Variants in HUS1 observed in about 807,000 individuals in gnomAD.
HUS1 encodes the protein HUS1 checkpoint clamp component, also known as checkpoint protein HUS1.
In HUS1, 31 loss-of-function variants were observed where a neutral mutation model predicts 32.6. That is an observed-to-expected ratio of 0.95 (90% CI 0.72 to 1.28). The LOEUF is 1.28. Ranked by LOEUF, HUS1 falls within the 50% of genes most tolerant of loss-of-function variation. HUS1 has a pLI of 0.00. For synonymous variants in HUS1, 123 were observed against 116.6 expected (o/e 1.06, Z -0.36); for missense variants, 340 against 337.7 (o/e 1.01, Z -0.05).
At position 47,976,818 on chromosome 7, in the gene HUS1, C is replaced by G; in HGVS notation, c.377G>C (p.Ser126Thr). Residue 126 changes from serine (S) to threonine (T), a missense_variant, in exon 4 of 8, where the codon AGC becomes ACC. Transcript: ENST00000258774. ...SVELLSMSSS[S>T]RIVTHDIPIK... ...GGGGATGTCATGGGTCACAATGCGG[C>G]TACTGCTTGACATAGATAACTGCCA... 1 of 1,611,276 alleles carries G rather than the reference C, an allele frequency of 6.2e-7. No homozygotes were observed. Among genetic ancestry groups the G allele is most frequent in the East Asian group, 2.2e-5 (1 of 44,832 alleles).
At chr7:47,978,091 G>A (rs1317997115) in intron 3 of HUS1, among the ~76,000 whole-genome samples, 1 of 142,950 alleles carries the variant, frequency 7.0e-6, no homozygotes, top group African/African-American at 2.6e-5. Flanking sequence ...CAGGGTGGGA[G>A]TGGGGAGAAA....
At position 47,976,732 on chromosome 7, in the gene HUS1, C is replaced by T. The variant is rs1247881572; in HGVS notation, c.463G>A (p.Asp155Asn). ...GCAGGACTGCAGGCATCACCTACATCAGGATCTGGGACCACCGGTTCTTGT... is the reference window on the plus strand; with the variant it reads ...GCAGGACTGCAGGCATCACCTACATTAGGATCTGGGACCACCGGTTCTTGT... The part of the protein sequence containing the change: ...DLQEPVVPDP[D>N]VSIYLPVLKT... Residue 155 changes from aspartate to asparagine, a missense_variant and splice_region_variant, in exon 4 of 8, where the codon GAT becomes AAT. By Grantham distance (23) the Asp-to-Asn change is conservative. Coordinates refer to ENST00000258774, the MANE Select transcript of HUS1 (RefSeq NM_004507.4). 1 of 1,582,292 alleles carries T rather than the reference C, an allele frequency of 6.3e-7. No homozygotes were observed.
chr7:47,972,276 T>C (rs915926641), intron 5 of HUS1, among the ~76,000 whole-genome samples: 2 of 152,152 alleles, frequency 1.3e-5, no homozygotes, highest in African/African-American at 4.8e-5. Context: ...AATAAATAAA[T>C]ACTTATTTAA....
In HUS1 at chr7:47,979,415, G is replaced by A. The variant is rs550254944; in HGVS notation, c.52+53C>T. On this transcript the variant is annotated intron_variant, in intron 1 of 7. Coordinates refer to ENST00000258774, the MANE Select transcript of HUS1 (RefSeq NM_004507.4). ...TCCTCCTGCGCGGTCCCCACCGCGC[G>A]CTCACTGCTTCCTTCCGTTCCTCCC... 7 of 1,600,798 alleles carry A rather than the reference G, an allele frequency of 4.4e-6. No individual in the cohort carries two copies. In the African/African-American group the frequency reaches 5.4e-5, roughly 12 times the overall value.
intron 4 of HUS1, 84 bp from the exon 5 acceptor site, chr7:47,975,771 G>A: frequency 1.4e-6 from 1 of 704,352 alleles, no homozygotes; most frequent in Non-Finnish European, 2.4e-6. Context: ...ACTAACTCTA[G>A]AACACATGCA....
chr7:47,965,334 T>G lies in HUS1; in HGVS notation c.*22A>C. 3 of 1,565,238 alleles carry G rather than the reference T, an allele frequency of 1.9e-6. No individual in the cohort carries two copies. Among genetic ancestry groups the G allele is most frequent in the Non-Finnish European group, 2.6e-6 (3 of 1,135,054 alleles). ...CTCCCATCCTGACAAAGTCTCTGCA[T>G]GCCAACTCCAGCGACAGGGTGCTAG... On this transcript the variant is annotated 3_prime_UTR_variant, in exon 8 of 8. Transcript: ENST00000258774.
At chr7:47,968,992 T>C (rs1788538627) in intron 6 of HUS1, 1 of 485,140 alleles carries the variant, frequency 2.1e-6, no homozygotes, top group Non-Finnish European at 3.6e-6. Context: ...ATGGAGACCC[T>C]GCACAGATCT....
intron 5 of HUS1, 36 bp from the exon 6 acceptor site, chr7:47,969,354 G>A (rs749791039): frequency 4.9e-6 from 6 of 1,230,910 alleles, no homozygotes; most frequent in Admixed American, 2.0e-5. Context: ...CTTAGAAAAG[G>A]AAGCCAAAAG....
At chr7:47,972,803 CTAAACA>C (rs1283389043) in intron 5 of HUS1, among the ~76,000 whole-genome samples, 4 of 151,910 alleles carry the variant, frequency 2.6e-5, no homozygotes, top group Admixed American at 6.6e-5. Context: ...ATCATGACTC[CTAAACA>C]TAGACTCTGG....
intron 7 of HUS1, among the ~76,000 whole-genome samples, chr7:47,966,110 G>A (rs1212883475): frequency 7.8e-6 from 1 of 127,466 alleles, no homozygotes; most frequent in African/African-American, 3.2e-5. Flanking sequence ...GGGAGGTTGG[G>A]GAAAGGACCA....
At position 47,976,716 on chromosome 7, in the gene HUS1, C is replaced by G. The variant is rs1386522745; in HGVS notation, c.465+14G>C. 7.2e-7 allele frequency: 1 copy of G among 1,396,256 alleles called. No individual in the cohort carries two copies. Among genetic ancestry groups the G allele is most frequent in the African/African-American group, 1.4e-5 (1 of 70,722 alleles). 86.5% of individuals were successfully genotyped at this position (1,396,256 alleles called of 1,614,324 possible). On this transcript the variant is annotated intron_variant, in intron 4 of 7. Transcript: ENST00000258774. ...TAATGTGGGGTGTACAGCAGGACTG[C>G]AGGCATCACCTACATCAGGATCTGG...
intron 3 of HUS1, 90 bp downstream of exon 3, chr7:47,978,327 C>T (rs1788749991): frequency 1.1e-5 from 12 of 1,100,430 alleles, no homozygotes; most frequent in South Asian, 3.0e-5. Flanking sequence ...CAGCTTTCAA[C>T]AGTATTTATT....
At chr7:47,968,310 G>A (rs1383323335) in intron 6 of HUS1, among the ~76,000 whole-genome samples, 2 of 151,482 alleles carry the variant, frequency 1.3e-5, no homozygotes. Context: ...CTCTGAGAAA[G>A]TACCAAAGAT....
chr7:47,966,688 G>A (rs1367701947), intron 7 of HUS1, among the ~76,000 whole-genome samples: 1 of 152,108 alleles, frequency 6.6e-6, no homozygotes, highest in East Asian at 1.9e-4. Flanking sequence ...ACCTTCAGGC[G>A]ATCTCCATGC....
intron 5 of HUS1, among the ~76,000 whole-genome samples, chr7:47,974,293 T>C (rs904156135): frequency 2.0e-5 from 3 of 152,130 alleles, no homozygotes; most frequent in African/African-American, 7.2e-5. Flanking sequence ...AAGAAGCTGG[T>C]GGTTCACGAG....
Position 47,978,913 on chromosome 7 carries a change from G to A in HUS1, c.53-97C>T, listed in dbSNP as rs542281268. On this transcript the variant is annotated intron_variant, in intron 1 of 7. Transcript: ENST00000258774. ...GAATTTCTTGTTCATCAACTTCTCG[G>A]TGGAAAAATAACCACTTAACGTTGG... is the stretch of plus-strand genomic sequence containing the variant. 2.9e-5 allele frequency: 37 copies of A among 1,295,146 alleles called. No homozygotes were observed. The African/African-American group carries it at 5.0e-4, about 18-fold the overall frequency. 80.2% of individuals were successfully genotyped at this position (1,295,146 alleles called of 1,614,324 possible).
At position 47,965,236 on chromosome 7, in the gene HUS1, A is replaced by C; in HGVS notation, c.*120T>G. 1.5e-6 allele frequency: 1 copy of C among 669,450 alleles called. No homozygotes were observed. The highest frequency in any genetic ancestry group is 2.7e-6 in the Non-Finnish European group (1 of 368,868). The allele number at this position is 669,450 out of a possible 1,614,324, so 41.5% of individuals were successfully genotyped here. On this transcript the variant is annotated 3_prime_UTR_variant, in exon 8 of 8. Transcript: ENST00000258774. ...TTAGTTAAAATGTTAGAGAGGGACAAATAAGTACAGTGTGTCGATGTGCGG... is the reference window on the plus strand; with the variant it reads ...TTAGTTAAAATGTTAGAGAGGGACACATAAGTACAGTGTGTCGATGTGCGG...
intron 6 of HUS1, among the ~76,000 whole-genome samples, chr7:47,968,666 T>A (rs776138960): frequency 6.6e-6 from 1 of 152,246 alleles, no homozygotes; most frequent in Non-Finnish European, 1.5e-5. Context: ...TTTCCAGCCA[T>A]GATTCTAACC....
At chr7:47,975,783 G>A in intron 4 of HUS1, 96 bp from the exon 5 acceptor site, 1 of 653,216 alleles carries the variant, frequency 1.5e-6, no homozygotes, top group Non-Finnish European at 2.6e-6. Context: ...ACACATGCAT[G>A]CTCAAAAACT....
Sources: allele counts gnomAD v4.1 joint callset (sites outside exome capture counted in the v4.1 genomes callset), GRCh38; gene constraint gnomAD v4.1.1; transcripts MANE v1.5; gene names NCBI Gene and HGNC (gene_info 2026-07-23, HGNC 2026-07-21).